The following MMS19 variants were observed in gnomAD, a reference collection of about 807,000 sequenced individuals.
The protein encoded by MMS19 is MMS19 nucleotide excision repair protein homolog.
In MMS19, 77 loss-of-function variants were observed where a neutral mutation model predicts 129.8. That is an observed-to-expected ratio of 0.59 (90% CI 0.49 to 0.72). The LOEUF is 0.72. Among genes scored for constraint, MMS19 ranks in the 30% least tolerant of loss-of-function variants. The probability of loss-of-function intolerance (pLI) is 0.00; values close to 1 mark genes in which losing one functional copy is unlikely to be tolerated. For missense variants in MMS19, 1,168 were observed against 1,266.3 expected, an observed-to-expected ratio of 0.92 and a Z score of 1.18; for synonymous variants, 491 against 502.8, an observed-to-expected ratio of 0.98 and a Z score of 0.31.
Position 97,460,068 on chromosome 10 carries a change from C to A in MMS19, c.2634G>T (p.Gln878His). ...FFTDNVPALV[Q>H]GFHAAPQDVK... ...CACCTTGGGGAGCAGCATGGAAGCC[C>A]TGGACCAAAGCAGGCACATTATCTG... Residue 878 changes from glutamine to histidine, a missense_variant, in exon 26 of 31, where the codon CAG (glutamine) becomes CAT (histidine). This residue lies in a region of MMS19 where 831 missense variants were observed against 910.8 expected (regional missense o/e 0.91). Coordinates refer to ENST00000438925, the MANE Select transcript of MMS19 (RefSeq NM_022362.5). 1 of 1,614,004 alleles carries A rather than the reference C, an allele frequency of 6.2e-7. No individual in the cohort carries two copies. Among genetic ancestry groups the A allele is most frequent in the Non-Finnish European group, 8.5e-7 (1 of 1,179,880 alleles).
intron 8 of MMS19, among the ~76,000 whole-genome samples, chr10:97,471,745 G>T (rs562171374): frequency 1.3e-5 from 2 of 151,954 alleles, no homozygotes; most frequent in African/African-American, 4.8e-5. Flanking sequence ...TCCTGACCTC[G>T]AATGATCCAC....
At chr10:97,475,393 G>A (rs1430151698) in intron 8 of MMS19, among the ~76,000 whole-genome samples, 1 of 152,188 alleles carries the variant, frequency 6.6e-6, no homozygotes, top group East Asian at 1.9e-4. Context: ...TTTGGACTTT[G>A]AATCATGTGA....
At chr10:97,470,241 T>A (rs776194697) in intron 9 of MMS19, 38 bp from the exon 10 acceptor site, 9 of 1,457,866 alleles carry the variant, frequency 6.2e-6, no homozygotes, top group Non-Finnish European at 8.6e-6. Context: ...CTGAGATGGG[T>A]GGTGTGTCAG....
chr10:97,497,155 G>A (rs11189240), intron 1 of MMS19, among the ~76,000 whole-genome samples: 47,490 of 152,044 alleles, frequency 0.31, 8,879 homozygotes, highest in Non-Finnish European at 0.42. Flanking sequence ...ACCTCTTACA[G>A]AATGGTTGCC....
intron 23 of MMS19, 173 bp downstream of exon 23, chr10:97,461,323 C>T: frequency 1.4e-6 from 1 of 737,428 alleles, no homozygotes; most frequent in Non-Finnish European, 2.2e-6. Flanking sequence ...AAAGCTCTGC[C>T]CAACTGTGGT....
At chr10:97,461,242 A>C in intron 23 of MMS19, 1 of 606,382 alleles carries the variant, frequency 1.6e-6, no homozygotes, top group Non-Finnish European at 2.9e-6. Context: ...AATTATCCAC[A>C]CTAGCCCCAC....
chr10:97,486,897 AAT>A (rs2038002033), intron 1 of MMS19, among the ~76,000 whole-genome samples: 4 of 142,098 alleles, frequency 2.8e-5, no homozygotes, highest in South Asian at 2.2e-4. Context: ...ATATATATAA[AAT>A]TAAGACAGGC....
rs759053298 is a variant in MMS19, at chr10:97,460,723, T to C, written c.2441A>G (p.His814Arg). Residue 814 changes from histidine to arginine, a missense_variant, in exon 25 of 31, where the codon CAT becomes CGT. Transcript: ENST00000438925. ...GGCTGTAAGGCAGGAGCTGAGAGGA[T>C]GGTATCTGAGCACTAGGGCCTTTGT... ...WVTKALVLRY[H>R]PLSSCLTARL... The C allele has an allele frequency of 6.3e-7, 1 of 1,599,860 alleles. No individual in the cohort carries two copies. Among genetic ancestry groups the C allele is most frequent in the Admixed American group, 1.7e-5 (1 of 58,004 alleles).
intron 1 of MMS19, among the ~76,000 whole-genome samples, chr10:97,486,089 A>C (rs1406116927): frequency 5.9e-5 from 9 of 152,370 alleles, no homozygotes; most frequent in Non-Finnish European, 8.8e-5. Context: ...TCAACAGATA[A>C]ATCAATAAAG....
rs943496107 is a variant in MMS19, at chr10:97,482,732, A to G, written c.161+1371T>C. Among the ~76,000 whole-genome samples the G allele has an allele frequency of 6.8e-3, 774 of 113,500 alleles. 21 individuals carry two copies. In the East Asian group the frequency reaches 0.087, roughly 13 times the overall value. 74.5% of individuals were successfully genotyped at this position (113,500 alleles called of 152,430 possible). A position where few individuals can be genotyped will look rare whatever the true frequency, so the allele number is the denominator to read the frequency against. Reference sequence around the variant, plus strand: ...TGTGTGTGTGTGTGTGTGTGTGTATATATATACACACACACACACACACAC... The same window carrying G: ...TGTGTGTGTGTGTGTGTGTGTGTATGTATATACACACACACACACACACAC... On this transcript the variant is annotated intron_variant, in intron 2 of 30. Transcript: ENST00000438925.
At chr10:97,492,156 A>T (rs1473868464) in intron 1 of MMS19, among the ~76,000 whole-genome samples, 1 of 139,310 alleles carries the variant, frequency 7.2e-6, no homozygotes, top group Admixed American at 7.2e-5. Context: ...AAAAAAAAAA[A>T]GTATAAAAGT....
chr10:97,469,801 A>T, intron 10 of MMS19, 78 bp from the exon 11 acceptor site: 7 of 1,226,454 alleles, frequency 5.7e-6, no homozygotes, highest in Non-Finnish European at 8.4e-6. Context: ...GCATAATGGC[A>T]CCTGAAGGAG....
At position 97,460,747 on chromosome 10, in the gene MMS19, G is replaced by T; in HGVS notation, c.2417C>A (p.Thr806Lys). The stretch of plus-strand genomic sequence containing the variant: ...ATGGTATCTGAGCACTAGGGCCTTT[G>T]TTACCTGTAATTGGAGACAGAGAGA... ...SQAFTLLLWVTKALVLRYHPL... is the reference protein window; with the variant it reads ...SQAFTLLLWVKKALVLRYHPL... Residue 806 changes from threonine to lysine, a missense_variant, in exon 25 of 31, where the codon ACA (threonine) becomes AAA (lysine). Around this residue, in one of 3 missense-constraint regions of MMS19, gnomAD observed 831 missense variants for 910.8 expected, o/e 0.91. Transcript: ENST00000438925. 1 of 1,597,618 alleles carries T rather than the reference G, an allele frequency of 6.3e-7. No individual in the cohort carries two copies. The highest frequency in any genetic ancestry group is 1.7e-5 in the Admixed American group (1 of 57,630).
chr10:97,465,170 CAG>C (rs1280322835), intron 18 of MMS19, among the ~76,000 whole-genome samples: 1 of 151,618 alleles, frequency 6.6e-6, no homozygotes, highest in African/African-American at 2.4e-5. Context: ...CCACCATGAC[CAG>C]ATAATTTTTA....
chr10:97,475,211 A>AGTGTGT (rs10590709), intron 8 of MMS19, among the ~76,000 whole-genome samples: 1 of 150,774 alleles, frequency 6.6e-6, no homozygotes, highest in African/African-American at 2.4e-5. Flanking sequence ...GTACAGGAGA[A>AGTGTGT]GTGTGTGTGT....
At chr10:97,493,076 T>C (rs889914381) in intron 1 of MMS19, among the ~76,000 whole-genome samples, 1 of 151,904 alleles carries the variant, frequency 6.6e-6, no homozygotes, top group Non-Finnish European at 1.5e-5. Context: ...AGTGGTGCCA[T>C]CTTTGGCTCA....
Position 97,471,449 on chromosome 10 carries a change from GTTTTCC to G in MMS19, c.685-594_685-589del, listed in dbSNP as rs1407748913. Reference sequence around the variant, plus strand: ...ACGACAGACTGAAAACATATATCAGGTTTTCCTTTTCCTCTTTGCAAACTCCACCAA... The same window carrying G: ...ACGACAGACTGAAAACATATATCAGGTTTTCCTCTTTGCAAACTCCACCAA... On this transcript the variant is annotated intron_variant, in intron 8 of 30. Coordinates refer to ENST00000438925, the MANE Select transcript of MMS19 (RefSeq NM_022362.5). 6.6e-5 allele frequency among the ~76,000 whole-genome samples: 10 copies of G among 152,048 alleles called. No homozygotes were observed. The East Asian group carries it at 1.7e-3, about 26-fold the overall frequency.
At position 97,460,449 on chromosome 10, in the gene MMS19, T is replaced by C; in HGVS notation, c.2470-217A>G. ...AGTTGGGTGTGGTGGGGTGCCCCTG[T>C]AGTCCCAGCTACTTGCGAGGCTGAA... is the stretch of plus-strand genomic sequence containing the variant. On this transcript the variant is annotated intron_variant, in intron 25 of 30. Coordinates refer to ENST00000438925, the MANE Select transcript of MMS19 (RefSeq NM_022362.5). 6.5e-6 allele frequency: 4 copies of C among 616,986 alleles called. No homozygotes were observed. The South Asian group carries it at 8.2e-5, about 13-fold the overall frequency. The allele number at this position is 616,986 out of a possible 1,614,324, so 38.2% of individuals were successfully genotyped here.
upstream of MMS19, chr10:97,498,737 G>C (rs1361305981): frequency 9.1e-6 from 3 of 328,524 alleles, no homozygotes; most frequent in Non-Finnish European, 1.7e-5. Flanking sequence ...AGCCCTAGGG[G>C]GCGGTGCTGT....
Sources: allele counts gnomAD v4.1 joint callset (sites outside exome capture counted in the v4.1 genomes callset), GRCh38; gene constraint gnomAD v4.1.1; regional missense constraint gnomAD v4.1.1; transcripts MANE v1.5; gene names NCBI Gene and HGNC (gene_info 2026-07-23, HGNC 2026-07-21).